The following PRELID2 variants were observed in gnomAD, a reference collection of about 807,000 sequenced individuals.
PRELID2 encodes PRELI domain containing 2, also known as PRELI domain-containing protein 2.
A neutral mutation model predicts 28.4 loss-of-function variants in PRELID2; 25 were observed. The ratio of observed to expected loss-of-function variants is 0.88; its 90% confidence interval spans 0.64 to 1.23. PRELID2 has a LOEUF of 1.23. PRELID2 is among the 50% of genes most tolerant of loss of function. PRELID2 has a pLI of 0.00. For synonymous variants in PRELID2, 76 were observed against 71.6 expected, an observed-to-expected ratio of 1.06 and a Z score of -0.31; for missense variants, 201 against 214.4, an observed-to-expected ratio of 0.94 and a Z score of 0.39.
At chr5:145,335,119 G>A in the PRELID2 span, among the ~76,000 whole-genome samples, 4 of 151,728 alleles carry the variant, frequency 2.6e-5, no homozygotes, top group East Asian at 3.9e-4. Context: ...TCCACTTGAT[G>A]GTGTCCTATA....
chr5:145,593,949 T>G (rs1753266480), intron 1 of PRELID2, among the ~76,000 whole-genome samples: 1 of 152,190 alleles, frequency 6.6e-6, no homozygotes, highest in South Asian at 2.1e-4. Flanking sequence ...ACTGTTAAAA[T>G]TTTTAGATTT....
chr5:145,284,796 G>A, the PRELID2 span, among the ~76,000 whole-genome samples: 1 of 151,938 alleles, frequency 6.6e-6, no homozygotes, highest in African/African-American at 2.4e-5. Flanking sequence ...CTATATCAAG[G>A]AATTTTCTTA....
chr5:145,584,745 A>C (rs1345107291), intron 1 of PRELID2, among the ~76,000 whole-genome samples: 1 of 152,174 alleles, frequency 6.6e-6, no homozygotes, highest in African/African-American at 2.4e-5. Context: ...ACCATCTCCC[A>C]CCAGTCAGAA....
chr5:145,245,736 ACAG>A, the PRELID2 span, among the ~76,000 whole-genome samples: 1 of 152,064 alleles, frequency 6.6e-6, no homozygotes, highest in African/African-American at 2.4e-5. Context: ...GTAATAGTTA[ACAG>A]CACAGGTTTT....
the PRELID2 span, among the ~76,000 whole-genome samples, chr5:145,412,657 C>G: frequency 2.6e-5 from 4 of 152,326 alleles, no homozygotes; most frequent in African/African-American, 9.6e-5. Context: ...TTACCCAGTT[C>G]TAAAACTGTT....
At chr5:145,523,810 T>C (rs553163689) in intron 1 of PRELID2, among the ~76,000 whole-genome samples, 1 of 152,322 alleles carries the variant, frequency 6.6e-6, no homozygotes, top group African/African-American at 2.4e-5. Flanking sequence ...TGTATATTTT[T>C]AGTTATCTTA....
chr5:145,307,228 A>T, the PRELID2 span, among the ~76,000 whole-genome samples: 1 of 152,170 alleles, frequency 6.6e-6, no homozygotes, highest in African/African-American at 2.4e-5. Flanking sequence ...TAGTTGGGGC[A>T]GTCATGGATA....
the PRELID2 span, among the ~76,000 whole-genome samples, chr5:145,276,772 T>G: frequency 6.6e-6 from 1 of 152,148 alleles, no homozygotes; most frequent in Non-Finnish European, 1.5e-5. Flanking sequence ...ACTTTCCTGT[T>G]GAATGCAATG....
chr5:145,306,800 CAGTCCATCAACAGAAT>C, the PRELID2 span, among the ~76,000 whole-genome samples: 1 of 151,566 alleles, frequency 6.6e-6, no homozygotes, highest in Non-Finnish European at 1.5e-5. Flanking sequence ...GAAACATCAC[CAGTCCATCAACAGAAT>C]ATCTACACAT....
At chr5:145,641,052 T>A (rs1754098762) in intron 1 of PRELID2, among the ~76,000 whole-genome samples, 1 of 152,120 alleles carries the variant, frequency 6.6e-6, no homozygotes, top group Non-Finnish European at 1.5e-5. Flanking sequence ...ATTTAAAAAC[T>A]TGAGAGAACA....
the PRELID2 span, among the ~76,000 whole-genome samples, chr5:145,307,017 C>T: frequency 6.6e-6 from 1 of 152,070 alleles, no homozygotes. Context: ...TATATATGAT[C>T]TTTATAGTCT....
At chr5:145,409,619 A>C in the PRELID2 span, among the ~76,000 whole-genome samples, 1 of 152,136 alleles carries the variant, frequency 6.6e-6, no homozygotes, top group African/African-American at 2.4e-5. Flanking sequence ...CAGTTAAAAA[A>C]AGACAAAGAG....
At chr5:145,314,626 T>G in the PRELID2 span, among the ~76,000 whole-genome samples, 1 of 151,990 alleles carries the variant, frequency 6.6e-6, no homozygotes, top group Non-Finnish European at 1.5e-5. Context: ...TAATATAATA[T>G]CCTTACACAT....
intron 1 of PRELID2, among the ~76,000 whole-genome samples, chr5:145,509,246 C>T (rs1308713686): frequency 2.0e-5 from 3 of 152,164 alleles, no homozygotes; most frequent in African/African-American, 7.2e-5. Flanking sequence ...ATGCTACATA[C>T]ACTTTCTCGT....
intron 1 of PRELID2, among the ~76,000 whole-genome samples, chr5:145,520,844 T>G (rs950968207): frequency 6.6e-6 from 1 of 151,704 alleles, no homozygotes; most frequent in African/African-American, 2.4e-5. Flanking sequence ...GTACTCAATA[T>G]ATGTTGAATG....
At chr5:145,514,817 C>A (rs1370254160) in intron 1 of PRELID2, among the ~76,000 whole-genome samples, 1 of 152,176 alleles carries the variant, frequency 6.6e-6, no homozygotes, top group Non-Finnish European at 1.5e-5. Context: ...TCTTAGACCA[C>A]AGTGCAATCA....
In PRELID2 at chr5:145,673,186, C is replaced by A. The variant is rs558964622; in HGVS notation, n.70+91745G>T. Among the ~76,000 whole-genome samples, 7 of 152,252 alleles carry A rather than the reference C, an allele frequency of 4.6e-5. No individual in the cohort carries two copies. In the East Asian group the frequency reaches 1.2e-3, roughly 25 times the overall value. On this transcript the variant is annotated intron_variant and non_coding_transcript_variant, in intron 1 of 2. Coordinates refer to the PRELID2 transcript ENST00000510259. ...AAAGTGCCCAATATGCCTCTTCCAA[C>A]CTAGGGTTGAAGGCAGCCAACCAAA...
At chr5:145,243,413 A>T in the PRELID2 span, among the ~76,000 whole-genome samples, 1 of 152,062 alleles carries the variant, frequency 6.6e-6, no homozygotes, top group African/African-American at 2.4e-5. Flanking sequence ...AACTAGGTAA[A>T]TCTTTCTTTT....
chr5:145,474,821 G>C (rs986699919), intron 1 of PRELID2, among the ~76,000 whole-genome samples: 11 of 152,224 alleles, frequency 7.2e-5, no homozygotes, highest in Admixed American at 7.2e-4. Context: ...TCTGTGGCAG[G>C]ATCATTGACA....
Sources: allele counts gnomAD v4.1 joint callset (sites outside exome capture counted in the v4.1 genomes callset), GRCh38; gene constraint gnomAD v4.1.1; transcripts MANE v1.5; gene names NCBI Gene and HGNC (gene_info 2026-07-23, HGNC 2026-07-21).